The following KIAA1614 variants were observed in gnomAD, a reference collection of about 807,000 sequenced individuals.
KIAA1614 encodes uncharacterized protein KIAA1614.
KIAA1614 carries 76 observed loss-of-function variants against 88.7 expected under a neutral mutation model. That is an observed-to-expected ratio of 0.86 (90% CI 0.71 to 1.04). The LOEUF is 1.04. Ranked by LOEUF, KIAA1614 falls within the 50% of genes least tolerant of loss-of-function variation. The probability of loss-of-function intolerance (pLI) is 0.00; values close to 1 mark genes in which losing one functional copy is unlikely to be tolerated. For missense variants in KIAA1614, 1,553 were observed against 1,582.5 expected, an observed-to-expected ratio of 0.98 and a Z score of 0.32; for synonymous variants, 714 against 675.5, an observed-to-expected ratio of 1.06 and a Z score of -0.88.
rs140615531 is a variant in KIAA1614 at position 180,943,697 on chromosome 1, G to A, written c.3160-692G>A. ...TGAGTAGCTGGGATTACAGGCACCC[G>A]CCACCATGCCCGGCTAATTTTTGTA... On this transcript the variant is annotated intron_variant, in intron 7 of 8. Coordinates refer to ENST00000367588, the MANE Select transcript of KIAA1614 (RefSeq NM_020950.2). Among the ~76,000 whole-genome samples the A allele has an allele frequency of 1.8e-3, 268 of 151,666 alleles. 1 individual carries two copies. The highest frequency in any genetic ancestry group is 6.1e-3 in the African/African-American group (253 of 41,336).
In KIAA1614 at chr1:180,916,367, G is replaced by A. The variant is rs747147406; in HGVS notation, c.264G>A (p.Arg88=). 4 of 1,614,202 alleles carry A rather than the reference G, an allele frequency of 2.5e-6. No individual in the cohort carries two copies. The South Asian group carries it at 3.3e-5, about 13-fold the overall frequency. Reference sequence around the variant, plus strand: ...CCTCTGTGCTGGAATCCAAGGTGAGGGCTTTGAAGGAGAAGATGACAGTGG... The same window carrying A: ...CCTCTGTGCTGGAATCCAAGGTGAGAGCTTTGAAGGAGAAGATGACAGTGG... ...QGPSVLESKV[R]ALKEKMTVAK... Residue 88 remains arginine, a synonymous_variant, in exon 2 of 9, where the codon AGG becomes AGA. Transcript: ENST00000367588.
In KIAA1614 at chr1:180,941,132, C is replaced by T. The variant is rs1654451571; in HGVS notation, c.3006C>T (p.Ser1002=). Residue 1002 remains serine, a synonymous_variant, in exon 7 of 9, where the codon TCC becomes TCT. Coordinates refer to ENST00000367588, the MANE Select transcript of KIAA1614 (RefSeq NM_020950.2). ...QNKKRSSSIA[S]TLGLKKLFSA... Reference sequence around the variant, plus strand: ...AGAAAAGGAGCAGCAGCATAGCCTCCACCCTGGGGCTGAAAAAGCTCTTCT... The same window carrying T: ...AGAAAAGGAGCAGCAGCATAGCCTCTACCCTGGGGCTGAAAAAGCTCTTCT... 1.9e-6 allele frequency: 3 copies of T among 1,613,604 alleles called. No individual in the cohort carries two copies. In the South Asian group the frequency reaches 3.3e-5, roughly 18 times the overall value.
At chr1:180,914,506 T>C (rs887090740) in intron 1 of KIAA1614, among the ~76,000 whole-genome samples, 1 of 152,260 alleles carries the variant, frequency 6.6e-6, no homozygotes, top group African/African-American at 2.4e-5. Flanking sequence ...GTGCCTCAGT[T>C]TCTCCATCTG....
chr1:180,936,019 A>G lies in KIAA1614; in HGVS notation c.2110A>G (p.Arg704Gly). The G allele has an allele frequency of 6.2e-7, 1 of 1,614,026 alleles. No homozygotes were observed. Among genetic ancestry groups the G allele is most frequent in the Non-Finnish European group, 8.5e-7 (1 of 1,179,902 alleles). ...CACGCCTGAAGGAACTCTATTTTTG[A>G]GAGAAGATGCCAAGCCTCCTGACCT... Reference protein sequence around the residue: ...GHTPEGTLFLREDAKPPDLEL... With the variant: ...GHTPEGTLFLGEDAKPPDLEL... The change falls in exon 5 of 9, where the codon AGA becomes GGA. Residue 704 changes from arginine (R) to glycine (G), a missense_variant. Coordinates refer to ENST00000367588, the MANE Select transcript of KIAA1614 (RefSeq NM_020950.2).
In KIAA1614 at chr1:180,929,213, C is replaced by T. The variant is rs143075756; in HGVS notation, c.1205+640C>T. Among the ~76,000 whole-genome samples the T allele has an allele frequency of 2.1e-3, 326 of 152,300 alleles. 1 individual carries two copies. The highest frequency in any genetic ancestry group is 7.2e-3 in the African/African-American group (301 of 41,562). The stretch of plus-strand genomic sequence containing the variant: ...TGCTGTGGAGCTATGTGAGCTAATA[C>T]GTGTCAAGTTTAGAACAGCGCCCGC... On this transcript the variant is annotated intron_variant, in intron 4 of 8. Coordinates refer to ENST00000367588, the MANE Select transcript of KIAA1614 (RefSeq NM_020950.2).
chr1:180,929,010 A>AAGAT (rs997149784), intron 4 of KIAA1614, among the ~76,000 whole-genome samples: 1 of 152,214 alleles, frequency 6.6e-6, no homozygotes, highest in African/African-American at 2.4e-5. Context: ...CAAGCAGTGC[A>AAGAT]AGATAGGCAC....
intron 7 of KIAA1614, 181 bp from the exon 8 acceptor site, chr1:180,944,208 A>G (rs977758972): frequency 3.6e-6 from 2 of 550,634 alleles, no homozygotes; most frequent in African/African-American, 1.9e-5. Context: ...CAGATGGCCT[A>G]TGTAGACCCA....
Position 180,945,489 on chromosome 1 carries a change from T to C in KIAA1614, c.3474T>C (p.Gly1158=). The C allele has an allele frequency of 1.2e-6, 2 of 1,613,412 alleles. No individual in the cohort carries two copies. The highest frequency in any genetic ancestry group is 1.7e-6 in the Non-Finnish European group (2 of 1,179,916). The stretch of plus-strand genomic sequence containing the variant: ...CTGGGAATGGGCGCCCAGACTCAGG[T>C]ATGCCCTCTCCTCTTCCTCAGCCCC... The part of the protein sequence containing the change: ...VASGNGRPDS[G]MPSPLPQPHG... Residue 1158 remains glycine, a synonymous_variant, in exon 9 of 9, where the codon GGT becomes GGC. Coordinates refer to ENST00000367588, the MANE Select transcript of KIAA1614 (RefSeq NM_020950.2).
In KIAA1614 at chr1:180,917,528, C is replaced by G. The variant is rs74133668; in HGVS notation, c.998-323C>G. ...TGGGCGTTCTAGCAGCTGGGCTGAGCTCAGACGGTAGCACCAATGGGATGT... is the reference window on the plus strand; with the variant it reads ...TGGGCGTTCTAGCAGCTGGGCTGAGGTCAGACGGTAGCACCAATGGGATGT... On this transcript the variant is annotated intron_variant, in intron 2 of 8. Transcript: ENST00000367588. Among the ~76,000 whole-genome samples the G allele has an allele frequency of 5.6e-3, 853 of 152,246 alleles. 12 individuals carry two copies. The highest frequency in any genetic ancestry group is 0.019 in the African/African-American group (801 of 41,546).
chr1:180,941,057 A>G lies in KIAA1614; in HGVS notation c.2931A>G (p.Gly977=). 1 of 1,332,226 alleles carries G rather than the reference A, an allele frequency of 7.5e-7. No homozygotes were observed. Among genetic ancestry groups the G allele is most frequent in the Middle Eastern group, 2.5e-4 (1 of 3,986 alleles). The allele number at this position is 1,332,226 out of a possible 1,614,324, so 82.5% of individuals were successfully genotyped here. The change falls in exon 7 of 9, where the codon GGA becomes GGG. Residue 977 remains glycine (G), a synonymous_variant. Coordinates refer to ENST00000367588, the MANE Select transcript of KIAA1614 (RefSeq NM_020950.2). ...CCTTGTGTTTCAGAGCATCAGCAGG[A>G]GCTGGCACAGGACCCGGCTCCCCCT... ...GGHVLSRASA[G]AGTGPGSPSA...
rs961251436 is a variant in KIAA1614 at position 180,950,887 on chromosome 1, C to T, written c.*5299C>T. On this transcript the variant is annotated 3_prime_UTR_variant, in exon 9 of 9. Coordinates refer to ENST00000367588, the MANE Select transcript of KIAA1614 (RefSeq NM_020950.2). ...TGAGAGCCGGCCTCACCTCCTGGTC[C>T]CATGCCTGGTCAAAGGCTACAGCCT... 1 of 152,522 alleles carries T rather than the reference C, an allele frequency of 6.6e-6. No individual in the cohort carries two copies. The highest frequency in any genetic ancestry group is 2.4e-5 in the African/African-American group (1 of 41,446). 9.4% of individuals were successfully genotyped at this position (152,522 alleles called of 1,614,324 possible).
intron 1 of KIAA1614, 122 bp from the exon 2 acceptor site, chr1:180,916,032 C>T (rs183043118): frequency 5.1e-6 from 3 of 586,486 alleles, no homozygotes; most frequent in Non-Finnish European, 8.5e-6. Context: ...GCATCCCCTG[C>T]TCTGTCTCCA....
intron 1 of KIAA1614, among the ~76,000 whole-genome samples, chr1:180,913,629 A>T (rs1475399157): frequency 6.6e-6 from 1 of 151,538 alleles, no homozygotes; most frequent in East Asian, 1.9e-4. Flanking sequence ...AACAATTCTT[A>T]CTTTAATTTT....
rs754806755 is a variant in KIAA1614 at position 180,935,707 on chromosome 1, G to A, written c.1798G>A (p.Gly600Arg). ...GGAATGGATCCGGGAAACACACATC[G>A]GAGACACCGTGTGCCCTGCGGAGGT... ...HMEWIRETHI[G>R]DTVCPAEVDS... The change falls in exon 5 of 9, where the codon GGA becomes AGA. Residue 600 changes from glycine to arginine, a missense_variant. Transcript: ENST00000367588. This position sits in a 1 kb window ranked among gnomAD's most constrained non-coding sequence, Gnocchi z 6.1. 1.9e-6 allele frequency: 3 copies of A among 1,613,734 alleles called. No individual in the cohort carries two copies. Among genetic ancestry groups the A allele is most frequent in the Admixed American group, 1.7e-5 (1 of 60,028 alleles).
chr1:180,922,189 GTGCTGAGTGTGTC>G (rs1241299998), intron 3 of KIAA1614, among the ~76,000 whole-genome samples: 5 of 152,386 alleles, frequency 3.3e-5, no homozygotes, highest in Middle Eastern at 3.4e-3. Flanking sequence ...GAGGCCCCAG[GTGCTGAGTGTGTC>G]TGCAGGGGCT....
Position 180,935,424 on chromosome 1 carries a change from G to T in KIAA1614, c.1515G>T (p.Arg505=). 1.4e-6 allele frequency: 2 copies of T among 1,473,076 alleles called. No individual in the cohort carries two copies. Among genetic ancestry groups the T allele is most frequent in the South Asian group, 1.4e-5 (1 of 71,430 alleles). The allele number at this position is 1,473,076 out of a possible 1,614,324, so 91.3% of individuals were successfully genotyped here. The change falls in exon 5 of 9, where the codon CGG becomes CGT. Residue 505 remains arginine, a synonymous_variant. Coordinates refer to ENST00000367588, the MANE Select transcript of KIAA1614 (RefSeq NM_020950.2). This position sits in a 1 kb window ranked among gnomAD's most constrained non-coding sequence, Gnocchi z 6.1. ...ADYINGAPRL[R]DAGQGTFHRL... is the part of the protein sequence containing the mutation. ...ACATCAACGGGGCTCCCCGGCTCCGGGACGCGGGGCAGGGGACATTCCACA... is the reference window on the plus strand; with the variant it reads ...ACATCAACGGGGCTCCCCGGCTCCGTGACGCGGGGCAGGGGACATTCCACA...
intron 4 of KIAA1614, among the ~76,000 whole-genome samples, chr1:180,931,843 G>T (rs1654203364): frequency 6.6e-6 from 1 of 152,192 alleles, no homozygotes; most frequent in Non-Finnish European, 1.5e-5. Flanking sequence ...CATCCTGCCA[G>T]CGGACAGGGC....
intron 4 of KIAA1614, among the ~76,000 whole-genome samples, chr1:180,934,530 T>C (rs1250331112): frequency 6.6e-6 from 1 of 151,974 alleles, no homozygotes; most frequent in East Asian, 1.9e-4. Flanking sequence ...ATCGAGGCTG[T>C]AGTGAACCGA....
intron 8 of KIAA1614, chr1:180,944,999 A>T (rs1654557731): frequency 2.5e-6 from 1 of 405,272 alleles, no homozygotes. Flanking sequence ...TGGAAATGTG[A>T]CATAAAGTTA....
Sources: allele counts gnomAD v4.1 joint callset (sites outside exome capture counted in the v4.1 genomes callset), GRCh38; gene constraint gnomAD v4.1.1; non-coding constraint Gnocchi (gnomAD v3.1); transcripts MANE v1.5; gene names NCBI Gene and HGNC (gene_info 2026-07-23, HGNC 2026-07-21).